FNDC5: variants seen among roughly 807,000 people sequenced by gnomAD.
FNDC5 encodes fibronectin type III domain-containing protein 5.
In FNDC5, 10 loss-of-function variants were observed where a neutral mutation model predicts 24.6. That is an observed-to-expected ratio of 0.41 (90% CI 0.25 to 0.69). The LOEUF is 0.69. Ranked by LOEUF, FNDC5 falls within the 30% of genes least tolerant of loss-of-function variation. The probability of loss-of-function intolerance (pLI) is 0.34; values close to 1 mark genes in which losing one functional copy is unlikely to be tolerated. For synonymous variants in FNDC5, 90 were observed against 110.7 expected (o/e 0.81, Z 1.18); for missense variants, 226 against 282.9 (o/e 0.80, Z 1.44).
rs1462378962 is a variant in FNDC5, at chr1:32,862,984, C to T, written c.*1310G>A. The stretch of plus-strand genomic sequence containing the variant: ...TGAATGGCTCAGGCCTGCCTTCCAG[C>T]AGCTTCTACTCCAGAAGGGGTGTTT... On this transcript the variant is annotated 3_prime_UTR_variant, in exon 6 of 6. Coordinates refer to ENST00000373471, the MANE Select transcript of FNDC5 (RefSeq NM_153756.3). 5 of 152,748 alleles carry T rather than the reference C, an allele frequency of 3.3e-5. No homozygotes were observed. Among genetic ancestry groups the T allele is most frequent in the African/African-American group, 1.2e-4 (5 of 41,448 alleles). The allele number at this position is 152,748 out of a possible 1,614,324, so 9.5% of individuals were successfully genotyped here.
chr1:32,864,402 TC>T, intron 5 of FNDC5, 103 bp from the exon 6 acceptor site: 2 of 1,541,838 alleles, frequency 1.3e-6, no homozygotes, highest in East Asian at 4.8e-5. Flanking sequence ...ACTCCTATTG[TC>T]CCGCGCCAAC....
intron 4 of FNDC5, among the ~76,000 whole-genome samples, chr1:32,865,663 CAAAA>C (rs1160892227): frequency 6.6e-6 from 1 of 151,912 alleles, no homozygotes; most frequent in Non-Finnish European, 1.5e-5. Context: ...GAAAAACAAA[CAAAA>C]AAACCTCTGA....
intron 4 of FNDC5, among the ~76,000 whole-genome samples, chr1:32,867,219 A>G (rs1013969287): frequency 1.3e-5 from 2 of 152,202 alleles, no homozygotes; most frequent in African/African-American, 2.4e-5. Flanking sequence ...AGAAGGGCTA[A>G]AGAGAGGAGT....
Position 32,863,582 on chromosome 1 carries a change from T to C in FNDC5, c.*712A>G, listed in dbSNP as rs1292031645. On this transcript the variant is annotated 3_prime_UTR_variant, in exon 6 of 6. Coordinates refer to ENST00000373471, the MANE Select transcript of FNDC5 (RefSeq NM_153756.3). ...TTTTTTGCAGAATTTGGGTTTGTAG[T>C]GCAGCCTCCTTCATCTGACTAGGAC... The C allele has an allele frequency of 2.8e-6, 2 of 723,106 alleles. No homozygotes were observed. The highest frequency in any genetic ancestry group is 3.3e-5 in the Admixed American group (1 of 30,620). The allele number at this position is 723,106 out of a possible 1,614,324, so 44.8% of individuals were successfully genotyped here.
Position 32,868,157 on chromosome 1 carries a change from AC to A in FNDC5, c.409+32del, listed in dbSNP as rs1641108629. The stretch of plus-strand genomic sequence containing the variant: ...TCTGGTCCTGACCACCCCTCACCCC[AC>A]CCCATTCCTCTTAACAGTGACCCGG... On this transcript the variant is annotated intron_variant, in intron 3 of 5. Transcript: ENST00000373471. The surrounding 1 kb of genome is among the most constrained non-coding windows in gnomAD (Gnocchi z 4.8). 6.2e-7 allele frequency: 1 copy of A among 1,609,090 alleles called. No homozygotes were observed. The highest frequency in any genetic ancestry group is 1.3e-5 in the African/African-American group (1 of 74,688).
In FNDC5 at chr1:32,868,155, C is replaced by G. The variant is rs767723903; in HGVS notation, c.409+35G>C. 6.2e-7 allele frequency: 1 copy of G among 1,608,492 alleles called. No homozygotes were observed. The highest frequency in any genetic ancestry group is 2.2e-5 in the East Asian group (1 of 44,802). ...GGTCTGGTCCTGACCACCCCTCACC[C>G]CACCCCATTCCTCTTAACAGTGACC... On this transcript the variant is annotated intron_variant, in intron 3 of 5. Coordinates refer to ENST00000373471, the MANE Select transcript of FNDC5 (RefSeq NM_153756.3). This position sits in a 1 kb window ranked among gnomAD's most constrained non-coding sequence, Gnocchi z 4.8.
Position 32,867,750 on chromosome 1 carries a change from C to A in FNDC5, c.499+3G>T. ...AGAAGAAGGTCTCGGAGGCCAGACT[C>A]ACCTGCCCACATGAACAGGACCACG... is the stretch of plus-strand genomic sequence containing the variant. On this transcript the variant is annotated splice_donor_region_variant and intron_variant, in intron 4 of 5. Coordinates refer to ENST00000373471, the MANE Select transcript of FNDC5 (RefSeq NM_153756.3). 6.2e-7 allele frequency: 1 copy of A among 1,613,418 alleles called. No homozygotes were observed. The highest frequency in any genetic ancestry group is 8.5e-7 in the Non-Finnish European group (1 of 1,179,492).
upstream of FNDC5, chr1:32,872,276 G>C (rs543022715): frequency 6.6e-6 from 1 of 152,326 alleles, no homozygotes; most frequent in African/African-American, 2.4e-5. Flanking sequence ...AGATGGAAGC[G>C]AGCTTAGGGG....
chr1:32,871,116 G>C (rs1047124666), upstream of FNDC5: 1 of 151,450 alleles, frequency 6.6e-6, no homozygotes, highest in Non-Finnish European at 1.5e-5. Flanking sequence ...CGGGAGCCCA[G>C]CGGGGTTCTC....
intron 4 of FNDC5, among the ~76,000 whole-genome samples, chr1:32,866,223 C>T (rs1374855276): frequency 6.6e-6 from 1 of 152,138 alleles, no homozygotes; most frequent in Non-Finnish European, 1.5e-5. Flanking sequence ...AATCTAATAA[C>T]GCACCATAAG....
At chr1:32,871,201 G>C (rs1201173333), upstream of FNDC5, among the ~76,000 whole-genome samples, 1 of 151,230 alleles carries the variant, frequency 6.6e-6, no homozygotes, top group Non-Finnish European at 1.5e-5. Context: ...CTTTCCCAGG[G>C]TAGAGAGAGG....
Position 32,863,701 on chromosome 1 carries a change from G to A in FNDC5, c.*593C>T, listed in dbSNP as rs925045959. 1.0e-5 allele frequency: 13 copies of A among 1,304,224 alleles called. No homozygotes were observed. Among genetic ancestry groups the A allele is most frequent in the Non-Finnish European group, 1.3e-5 (13 of 988,966 alleles). 80.8% of individuals were successfully genotyped at this position (1,304,224 alleles called of 1,614,324 possible). A position where few individuals can be genotyped will look rare whatever the true frequency, so the allele number is the denominator to read the frequency against. ...GCCCGTGGGCCTGGGGACCAGCTGA[G>A]AAGAAAAATGGAATCCTTCTCCCTG... On this transcript the variant is annotated 3_prime_UTR_variant, in exon 6 of 6. Transcript: ENST00000373471.
Position 32,868,440 on chromosome 1 carries a change from C to A in FNDC5, c.211-52G>T. On this transcript the variant is annotated intron_variant, in intron 2 of 5. Transcript: ENST00000373471. This position sits in a 1 kb window ranked among gnomAD's most constrained non-coding sequence, Gnocchi z 4.8. ...TCAACACTCGGTGACCAGCCCCGCT[C>A]CTGCCCACCTCCCAGTGGTGACAAA... 1 of 1,568,700 alleles carries A rather than the reference C, an allele frequency of 6.4e-7. No homozygotes were observed. Among genetic ancestry groups the A allele is most frequent in the South Asian group, 1.2e-5 (1 of 85,992 alleles).
upstream of FNDC5, among the ~76,000 whole-genome samples, chr1:32,871,192 T>C (rs549801203): frequency 2.1e-3 from 321 of 151,944 alleles, 3 homozygotes; most frequent in African/African-American, 7.1e-3. Context: ...CTTTCTGCCC[T>C]TTCCCAGGGT....
chr1:32,864,341 C>T, intron 5 of FNDC5, 42 bp from the exon 6 acceptor site: 1 of 1,611,678 alleles, frequency 6.2e-7, no homozygotes, highest in Non-Finnish European at 8.5e-7. Context: ...CGGTAAAGCA[C>T]CTGCCCAAGG....
intron 4 of FNDC5, among the ~76,000 whole-genome samples, chr1:32,866,714 A>T (rs922611826): frequency 6.6e-6 from 1 of 152,204 alleles, no homozygotes. Context: ...AATGAAAAAG[A>T]AAAAAGAAGA....
At position 32,870,787 on chromosome 1, in the gene FNDC5, G is replaced by T. The variant is rs191621656; in HGVS notation, c.-41C>A. 2.7e-3 allele frequency: 2,417 copies of T among 911,018 alleles called. 47 individuals carry two copies. The African/African-American group carries it at 0.037, about 14-fold the overall frequency. The allele number at this position is 911,018 out of a possible 1,614,324, so 56.4% of individuals were successfully genotyped here. On this transcript the variant is annotated 5_prime_UTR_variant, in exon 1 of 6. Coordinates refer to ENST00000373471, the MANE Select transcript of FNDC5 (RefSeq NM_153756.3). The stretch of plus-strand genomic sequence containing the variant: ...CGGCAGGCCCGGGGCGGCGCAGGGG[G>T]ACGCGGCTCCGGCGCCCGGCGGCCG...
Position 32,863,747 on chromosome 1 carries a change from A to G in FNDC5, c.*547T>C, listed in dbSNP as rs1474190521. The G allele has an allele frequency of 4.6e-6, 6 of 1,304,490 alleles. No individual in the cohort carries two copies. Among genetic ancestry groups the G allele is most frequent in the Middle Eastern group, 2.1e-4 (1 of 4,722 alleles). 80.8% of individuals were successfully genotyped at this position (1,304,490 alleles called of 1,614,324 possible). On this transcript the variant is annotated 3_prime_UTR_variant, in exon 6 of 6. Transcript: ENST00000373471. ...CCCTGCAGACAGGCAGTCACGCTTC[A>G]ATGATGTTCACTGAGGGCTTGTTTG...
chr1:32,867,649 A>T, intron 4 of FNDC5, 104 bp downstream of exon 4: 4 of 1,086,564 alleles, frequency 3.7e-6, no homozygotes, highest in Non-Finnish European at 5.4e-6. Flanking sequence ...CACCTTAGAG[A>T]TGTCCAAACC....
Sources: gnomAD v4.1 joint callset for allele counts (sites outside exome capture counted in the v4.1 genomes callset) on GRCh38, gnomAD v4.1.1 for gene constraint, Gnocchi (gnomAD v3.1) non-coding constraint, MANE v1.5 for transcripts, NCBI Gene and HGNC (gene_info 2026-07-23, HGNC 2026-07-21) for gene names.